The following PKHD1L1 variants were observed in gnomAD, a reference collection of about 807,000 sequenced individuals.
The protein encoded by PKHD1L1 is fibrocystin-L.
Under a neutral mutation model 462.9 loss-of-function variants are expected in PKHD1L1, and 434 were observed. The observed-to-expected ratio is 0.94, with a 90% CI of 0.87 to 1.02. PKHD1L1 has a LOEUF of 1.02. Ranked by LOEUF, PKHD1L1 falls within the 50% of genes least tolerant of loss-of-function variation. The pLI is 0.00. For missense variants in PKHD1L1, 5,202 were observed against 5,096.1 expected (o/e 1.02, Z -0.63); for synonymous variants, 1,781 against 1,750.0 (o/e 1.02, Z -0.44).
chr8:109,466,701 G>A lies in PKHD1L1; in HGVS notation c.8537G>A (p.Arg2846His), dbSNP rs375835470. ...SVCDASVSFHRLAFNQPSPVS... is the reference protein window; with the variant it reads ...SVCDASVSFHHLAFNQPSPVS... The stretch of plus-strand genomic sequence containing the variant: ...TGTGATGCTTCAGTCAGCTTTCACC[G>A]TTTAGCGTTCAACCAGCCTTCTCCA... Residue 2846 changes from arginine (R) to histidine (H), a missense_variant, in exon 50 of 78, where the codon CGT (arginine) becomes CAT (histidine). By Grantham distance (29) the Arg-to-His change is conservative. Transcript: ENST00000378402. The A allele has an allele frequency of 1.9e-5, 30 of 1,612,668 alleles. No homozygotes were observed. The highest frequency in any genetic ancestry group is 1.6e-4 in the Middle Eastern group (1 of 6,078).
chr8:109,453,533 C>T (rs971682061), intron 43 of PKHD1L1, among the ~76,000 whole-genome samples: 3 of 152,140 alleles, frequency 2.0e-5, no homozygotes, highest in African/African-American at 7.2e-5. Flanking sequence ...CAGGCTTAGC[C>T]ACCGGAAGAC....
chr8:109,436,325 T>A lies in PKHD1L1; in HGVS notation c.3506-13T>A, dbSNP rs73307397. On this transcript the variant is annotated splice_polypyrimidine_tract_variant and intron_variant, in intron 29 of 77. Transcript: ENST00000378402. ...CTGTTTTGTTGTTGTTTTTGTTTGC[T>A]TTTCTTATGAAGGTGGTACTCTACT... 3.1e-4 allele frequency: 497 copies of A among 1,599,144 alleles called. 1 individual carries two copies. In the African/African-American group the frequency reaches 5.2e-3, roughly 17 times the overall value.
intron 2 of PKHD1L1, among the ~76,000 whole-genome samples, chr8:109,366,768 C>T (rs1811255903): frequency 6.7e-6 from 1 of 150,076 alleles, no homozygotes; most frequent in African/African-American, 2.5e-5. Flanking sequence ...TCTTAGTTCA[C>T]CACAACATCC....
At chr8:109,375,415 A>C (rs1811761554) in intron 2 of PKHD1L1, among the ~76,000 whole-genome samples, 1 of 151,858 alleles carries the variant, frequency 6.6e-6, no homozygotes, top group African/African-American at 2.4e-5. Context: ...ATTTTTTTTC[A>C]AGGTTTTTAA....
chr8:109,410,124 G>C (rs36091071), intron 19 of PKHD1L1, 146 bp downstream of exon 19: 27 of 516,700 alleles, frequency 5.2e-5, no homozygotes, highest in African/African-American at 4.8e-4. Context: ...TACATTTGTT[G>C]TAAGGGCTGT....
chr8:109,383,122 A>G (rs1312694879), intron 4 of PKHD1L1, among the ~76,000 whole-genome samples: 1 of 104,078 alleles, frequency 9.6e-6, no homozygotes, highest in East Asian at 2.4e-4. Context: ...TATATAATAT[A>G]TAGTTATATA....
intron 28 of PKHD1L1, 51 bp downstream of exon 28, chr8:109,433,267 G>A (rs1358504281): frequency 1.4e-6 from 2 of 1,387,424 alleles, no homozygotes; most frequent in African/African-American, 1.4e-5. Context: ...CTAAGATAAA[G>A]TGGAATCAAA....
At chr8:109,416,253 C>A (rs529127216) in intron 21 of PKHD1L1, among the ~76,000 whole-genome samples, 13 of 151,436 alleles carry the variant, frequency 8.6e-5, no homozygotes, top group African/African-American at 2.9e-4. Context: ...TGTCTTGTCC[C>A]AAGTATAATA....
At chr8:109,491,758 C>A in intron 61 of PKHD1L1, 115 bp from the exon 62 acceptor site, 1 of 1,027,878 alleles carries the variant, frequency 9.7e-7, no homozygotes, top group Non-Finnish European at 1.3e-6. Context: ...GTTTGTCAGG[C>A]TCAAAGTAGA....
At chr8:109,515,433 T>A in intron 72 of PKHD1L1, 128 bp downstream of exon 72, 1 of 730,940 alleles carries the variant, frequency 1.4e-6, no homozygotes, top group Non-Finnish European at 2.0e-6. Context: ...TTTTTAGCCA[T>A]AGTCCACCAA....
chr8:109,501,785 C>T (rs1819427725), intron 67 of PKHD1L1, among the ~76,000 whole-genome samples: 2 of 152,084 alleles, frequency 1.3e-5, no homozygotes, highest in Admixed American at 6.5e-5. Context: ...ATCATCCTGC[C>T]CATTTGGTTT....
Position 109,449,358 on chromosome 8 carries a change from A to G in PKHD1L1, c.6046A>G (p.Thr2016Ala), listed in dbSNP as rs751736892. ...PSQGSFGGGQ[T>A]MTVTGTGFNP... is the part of the protein sequence containing the mutation. ...ACTAGGGAGCTTTGGTGGGGGTCAA[A>G]CCATGACTGTGACAGGCACCGGATT... Residue 2016 changes from threonine to alanine, a missense_variant, in exon 40 of 78, where the codon ACC becomes GCC. Transcript: ENST00000378402. 39 of 1,577,016 alleles carry G rather than the reference A, an allele frequency of 2.5e-5. No individual in the cohort carries two copies. Among genetic ancestry groups the G allele is most frequent in the Non-Finnish European group, 2.9e-5 (34 of 1,159,910 alleles).
intron 53 of PKHD1L1, 110 bp from the exon 54 acceptor site, chr8:109,479,441 C>G: frequency 1.4e-6 from 1 of 702,974 alleles, no homozygotes; most frequent in Non-Finnish European, 2.3e-6. Flanking sequence ...CATTTTTTTT[C>G]TTCTCTACCA....
chr8:109,478,220 G>C (rs890058491), intron 53 of PKHD1L1, among the ~76,000 whole-genome samples: 1 of 151,990 alleles, frequency 6.6e-6, no homozygotes, highest in African/African-American at 2.4e-5. Context: ...TTGTACAAAA[G>C]AACAAAAATT....
At chr8:109,466,822 T>A in intron 50 of PKHD1L1, 53 bp downstream of exon 50, 1 of 1,472,850 alleles carries the variant, frequency 6.8e-7, no homozygotes, top group South Asian at 1.3e-5. Context: ...CTTCCTAAAC[T>A]TTTGTCATCA....
At chr8:109,419,001 A>C in intron 21 of PKHD1L1, 96 bp from the exon 22 acceptor site, 1 of 1,132,096 alleles carries the variant, frequency 8.8e-7, no homozygotes. Flanking sequence ...TTGTGGGAAA[A>C]AATATTTTAC....
intron 51 of PKHD1L1, among the ~76,000 whole-genome samples, chr8:109,475,860 A>AT (rs1817962504): frequency 6.6e-6 from 1 of 151,170 alleles, no homozygotes; most frequent in Admixed American, 6.6e-5. Context: ...AAAAAAAAAA[A>AT]AAAGCCACTA....
chr8:109,419,925 T>C (rs1351575578), intron 22 of PKHD1L1, among the ~76,000 whole-genome samples: 1 of 150,672 alleles, frequency 6.6e-6, no homozygotes, highest in Non-Finnish European at 1.5e-5. Context: ...TTTTTTTTAA[T>C]GTAAATGCTA....
Position 109,452,826 on chromosome 8 carries a change from A to C in PKHD1L1, c.6616A>C (p.Ile2206Leu). The C allele has an allele frequency of 6.5e-7, 1 of 1,532,758 alleles. No homozygotes were observed. The highest frequency in any genetic ancestry group is 1.3e-5 in the South Asian group (1 of 76,098). The allele number at this position is 1,532,758 out of a possible 1,614,324, so 94.9% of individuals were successfully genotyped here. A position where few individuals can be genotyped will look rare whatever the true frequency, so the allele number is the denominator to read the frequency against. Residue 2206 changes from isoleucine (I) to leucine (L), a missense_variant, in exon 43 of 78, where the codon ATT becomes CTT. Ile to Leu is a conservative substitution (Grantham distance 5). Coordinates refer to ENST00000378402, the MANE Select transcript of PKHD1L1 (RefSeq NM_177531.6). ...SLVVITKGQT[I>L]LLDQSTPILK... is the part of the protein sequence containing the mutation. The stretch of plus-strand genomic sequence containing the variant: ...TGTTGTTATTACAAAAGGACAGACC[A>C]TTCTGCTGGATCAAAGCACCCCTAT...
Sources: allele counts gnomAD v4.1 joint callset (sites outside exome capture counted in the v4.1 genomes callset), GRCh38; gene constraint gnomAD v4.1.1; transcripts MANE v1.5; gene names NCBI Gene and HGNC (gene_info 2026-07-23, HGNC 2026-07-21).